RNF17: variants seen among roughly 807,000 people sequenced by gnomAD.
RNF17 encodes spermatogenesis associated 23.
A neutral mutation model predicts 200.5 loss-of-function variants in RNF17; 31 were observed. That is an observed-to-expected ratio of 0.15 (90% confidence interval 0.12 to 0.21). The LOEUF (loss-of-function observed/expected upper bound fraction) is 0.21. RNF17 is among the 10% of genes least tolerant of loss of function. RNF17 has a pLI of 1.00. For synonymous variants in RNF17, 606 were observed against 637.8 expected (o/e 0.95, Z 0.75); for missense variants, 1,628 against 1,905.1 (o/e 0.85, Z 2.71).
intron 13 of RNF17, among the ~76,000 whole-genome samples, chr13:24,801,611 G>C (rs1045034667): frequency 6.6e-6 from 1 of 152,182 alleles, no homozygotes; most frequent in African/African-American, 2.4e-5. Context: ...GACAGAGTAA[G>C]ACCCTGTCTC....
intron 15 of RNF17, among the ~76,000 whole-genome samples, chr13:24,805,777 G>A (rs558603822): frequency 6.4e-4 from 97 of 152,112 alleles, no homozygotes; most frequent in African/African-American, 2.2e-3. Flanking sequence ...GGGAACTGCC[G>A]AACTGTTTTC....
chr13:24,852,332 G>T (rs1414235770), intron 24 of RNF17, among the ~76,000 whole-genome samples: 1 of 152,014 alleles, frequency 6.6e-6, no homozygotes, highest in East Asian at 1.9e-4. Flanking sequence ...TAGAGACGGG[G>T]TTTCACCGTG....
At chr13:24,797,451 A>T (rs1416575369) in intron 11 of RNF17, among the ~76,000 whole-genome samples, 1 of 152,176 alleles carries the variant, frequency 6.6e-6, no homozygotes, top group Non-Finnish European at 1.5e-5. Flanking sequence ...ATTGAAAGAA[A>T]GAATAGTTTT....
downstream of RNF17, among the ~76,000 whole-genome samples, chr13:24,881,792 G>A (rs577024870): frequency 3.6e-5 from 5 of 140,018 alleles, no homozygotes; most frequent in South Asian, 1.1e-3. Context: ...GTGAAACCCC[G>A]TCTCTATATA....
chr13:24,868,044 A>G (rs1032543083), intron 30 of RNF17, among the ~76,000 whole-genome samples: 2 of 152,196 alleles, frequency 1.3e-5, no homozygotes, highest in African/African-American at 4.8e-5. Context: ...ATGCACATCA[A>G]TAAACATTCA....
At chr13:24,820,538 C>G (rs1566178486) in intron 15 of RNF17, among the ~76,000 whole-genome samples, 1 of 152,104 alleles carries the variant, frequency 6.6e-6, no homozygotes, top group Non-Finnish European at 1.5e-5. Context: ...CGGGTTCAAG[C>G]AATTCTTCTG....
intron 22 of RNF17, among the ~76,000 whole-genome samples, chr13:24,846,041 T>A (rs1364084637): frequency 1.3e-5 from 2 of 152,198 alleles, no homozygotes; most frequent in African/African-American, 4.8e-5. Context: ...TGCAGTGAGC[T>A]ATGATTGTGC....
At chr13:24,790,885 C>T (rs1883760314) in intron 9 of RNF17, among the ~76,000 whole-genome samples, 2 of 152,314 alleles carry the variant, frequency 1.3e-5, no homozygotes, top group South Asian at 2.1e-4. Context: ...CAAATCCATT[C>T]ATGAGGGCAG....
the RNF17 span, among the ~76,000 whole-genome samples, chr13:24,887,454 G>A: frequency 7.2e-5 from 11 of 152,090 alleles, no homozygotes; most frequent in Admixed American, 2.0e-4. Context: ...GATCAGCAGT[G>A]GCATTAGATT....
intron 30 of RNF17, among the ~76,000 whole-genome samples, chr13:24,866,970 A>G (rs754606814): frequency 6.6e-6 from 1 of 152,178 alleles, no homozygotes; most frequent in Non-Finnish European, 1.5e-5. Flanking sequence ...TAGGATAGGC[A>G]TGAAGTGGCA....
At chr13:24,858,575 G>GATATATATATATAAATAT (rs1892765099) in intron 25 of RNF17, among the ~76,000 whole-genome samples, 1 of 143,190 alleles carries the variant, frequency 7.0e-6, no homozygotes, top group Non-Finnish European at 1.5e-5. Context: ...ATCAGTTATG[G>GATATATATATATAAATAT]ATATATATAT....
At chr13:24,864,851 A>C in intron 28 of RNF17, 22 bp from the exon 29 acceptor site, 1 of 1,478,654 alleles carries the variant, frequency 6.8e-7, no homozygotes, top group Non-Finnish European at 9.3e-7. Flanking sequence ...TTTTATGATT[A>C]TCTTTATTGA....
chr13:24,853,065 C>T (rs1892111778), intron 24 of RNF17, among the ~76,000 whole-genome samples: 4 of 152,276 alleles, frequency 2.6e-5, no homozygotes, highest in Middle Eastern at 3.4e-3. Context: ...AGGCATGCGC[C>T]ACCATGCCTG....
At chr13:24,821,923 A>G (rs539823108) in intron 15 of RNF17, among the ~76,000 whole-genome samples, 3 of 152,156 alleles carry the variant, frequency 2.0e-5, no homozygotes, top group South Asian at 4.1e-4. Flanking sequence ...ACGGACACAC[A>G]TGAGGAGTTT....
At chr13:24,771,143 T>C (rs1414870692) in intron 2 of RNF17, among the ~76,000 whole-genome samples, 1 of 152,014 alleles carries the variant, frequency 6.6e-6, no homozygotes, top group Non-Finnish European at 1.5e-5. Context: ...TCCTAACTTG[T>C]TGTTTGTTGT....
rs1025662205 is a variant in RNF17 at position 24,770,648 on chromosome 13, A to G, written c.225+3282A>G. Among the ~76,000 whole-genome samples the G allele has an allele frequency of 1.1e-4, 17 of 152,324 alleles. No individual in the cohort carries two copies. The East Asian group carries it at 2.9e-3, about 26-fold the overall frequency. On this transcript the variant is annotated intron_variant, in intron 2 of 35. Transcript: ENST00000255324. ...ACTAATAATACATGGCTACAAGTAC[A>G]TGGTTTTAAGTACATAATACTTGAA...
At chr13:24,852,960 C>T (rs1423378230) in intron 24 of RNF17, among the ~76,000 whole-genome samples, 1 of 152,168 alleles carries the variant, frequency 6.6e-6, no homozygotes, top group Non-Finnish European at 1.5e-5. Context: ...GTTGCCCAGG[C>T]TTGAGTGCAG....
chr13:24,802,517 G>T lies in RNF17; in HGVS notation c.1895G>T (p.Ser632Ile), dbSNP rs2137741139. The change falls in exon 14 of 36, where the codon AGC becomes ATC. Residue 632 changes from serine to isoleucine, a missense_variant. Coordinates refer to ENST00000255324, the MANE Select transcript of RNF17 (RefSeq NM_031277.3). ...CAAAAACCACCACCGAATAAAATAAGCAGTGATATGCCTGTGTCTCTTAGA... is the reference window on the plus strand; with the variant it reads ...CAAAAACCACCACCGAATAAAATAATCAGTGATATGCCTGTGTCTCTTAGA... ...DLQKPPPNKI[S>I]SDMPVSLRDA... The T allele has an allele frequency of 1.2e-6, 2 of 1,614,016 alleles. No homozygotes were observed. The highest frequency in any genetic ancestry group is 1.7e-6 in the Non-Finnish European group (2 of 1,179,950).
At chr13:24,870,294 G>A (rs1349579329) in intron 31 of RNF17, among the ~76,000 whole-genome samples, 1 of 151,744 alleles carries the variant, frequency 6.6e-6, no homozygotes, top group African/African-American at 2.4e-5. Context: ...GTGTTGCTCA[G>A]GCTGGTCTTG....
Sources: gnomAD v4.1 joint callset for allele counts (sites outside exome capture counted in the v4.1 genomes callset) on GRCh38, gnomAD v4.1.1 for gene constraint, MANE v1.5 for transcripts, NCBI Gene and HGNC (gene_info 2026-07-23, HGNC 2026-07-21) for gene names.